Variants in CBL observed in about 807,000 individuals in gnomAD.
CBL encodes E3 ubiquitin-protein ligase CBL.
CBL carries 45 observed loss-of-function variants against 96.9 expected under a neutral mutation model. The observed-to-expected ratio is 0.46, with a 90% CI of 0.37 to 0.60. The LOEUF is 0.60. CBL is among the 20% of genes least tolerant of loss of function. CBL has a pLI of 0.00. For missense variants in CBL, 1,024 were observed against 1,143.5 expected (o/e 0.90, Z 1.51); for synonymous variants, 420 against 426.8 (o/e 0.98, Z 0.20).
intron 9 of CBL, among the ~76,000 whole-genome samples, chr11:119,279,483 GC>G (rs570993027): frequency 3.2e-5 from 4 of 125,844 alleles, no homozygotes; most frequent in Non-Finnish European, 4.8e-5. Context: ...CTGCCCCCAT[GC>G]CCCCCCCTAA....
chr11:119,300,437 G>T lies in CBL; in HGVS notation c.*656G>T. The T allele has an allele frequency of 2.5e-6, 1 of 404,014 alleles. No individual in the cohort carries two copies. The highest frequency in any genetic ancestry group is 4.4e-6 in the Non-Finnish European group (1 of 228,938). The allele number at this position is 404,014 out of a possible 1,614,324, so 25.0% of individuals were successfully genotyped here. On this transcript the variant is annotated 3_prime_UTR_variant, in exon 16 of 16. Transcript: ENST00000264033. ...TCATCCTTCTTGGTGTTCTGTCATGGGCCATGGGCTTGCTATGGCCAGCCT... is the reference window on the plus strand; with the variant it reads ...TCATCCTTCTTGGTGTTCTGTCATGTGCCATGGGCTTGCTATGGCCAGCCT...
At chr11:119,275,954 A>C in intron 5 of CBL, 43 bp from the exon 6 acceptor site, 4 of 1,601,802 alleles carry the variant, frequency 2.5e-6, no homozygotes, top group Non-Finnish European at 3.4e-6. Context: ...CCACCGTAAT[A>C]CCAGCATAAT....
rs549384936 is a variant in CBL at position 119,304,670 on chromosome 11, A to T, written c.*4889A>T. 4.8e-5 allele frequency: 10 copies of T among 207,786 alleles called. No homozygotes were observed. In the East Asian group the frequency reaches 7.2e-4, roughly 15 times the overall value. The allele number at this position is 207,786 out of a possible 1,614,324, so 12.9% of individuals were successfully genotyped here. A position where few individuals can be genotyped will look rare whatever the true frequency, so the allele number is the denominator to read the frequency against. On this transcript the variant is annotated 3_prime_UTR_variant, in exon 16 of 16. Coordinates refer to ENST00000264033, the MANE Select transcript of CBL (RefSeq NM_005188.4). ...GAGATGGAGTCTCGCTGTGTCGCCC[A>T]GGCTGGAGTGCAGTGGTGCAGTCTC... is the stretch of plus-strand genomic sequence containing the variant.
chr11:119,270,367 T>C (rs1489998211), intron 2 of CBL, among the ~76,000 whole-genome samples: 8 of 131,800 alleles, frequency 6.1e-5, no homozygotes, highest in African/African-American at 2.0e-4. Flanking sequence ...GCCTCAGCTC[T>C]CCCAAGTAGC....
intron 12 of CBL, among the ~76,000 whole-genome samples, chr11:119,288,437 A>T (rs372893863): frequency 6.6e-6 from 1 of 151,876 alleles, no homozygotes; most frequent in Admixed American, 6.6e-5. Context: ...CCTGCATCTC[A>T]CTATGTCCTT....
intron 1 of CBL, among the ~76,000 whole-genome samples, chr11:119,215,833 G>GA (rs371717786): frequency 1.6e-4 from 24 of 146,010 alleles, no homozygotes; most frequent in South Asian, 6.5e-4. Flanking sequence ...TCTCAAAAAA[G>GA]AAAAAAAAAA....
intron 15 of CBL, among the ~76,000 whole-genome samples, chr11:119,299,067 C>A (rs775487146): frequency 6.6e-6 from 1 of 152,230 alleles, no homozygotes; most frequent in South Asian, 2.1e-4. Flanking sequence ...ATACAGCCTT[C>A]GCTTGCCCAG....
intron 2 of CBL, among the ~76,000 whole-genome samples, chr11:119,268,878 T>C (rs1262673190): frequency 6.6e-6 from 1 of 152,232 alleles, no homozygotes; most frequent in Admixed American, 6.5e-5. Context: ...ACGGATTTTT[T>C]CTATCATCTC....
intron 12 of CBL, among the ~76,000 whole-genome samples, chr11:119,292,324 G>A (rs912533979): frequency 2.6e-5 from 4 of 151,036 alleles, no homozygotes; most frequent in Non-Finnish European, 5.9e-5. Flanking sequence ...TACCTTTTCC[G>A]GAATGTTAGA....
intron 13 of CBL, 105 bp downstream of exon 13, chr11:119,297,139 T>C: frequency 1.3e-6 from 1 of 792,436 alleles, no homozygotes; most frequent in Admixed American, 1.7e-5. Context: ...CCAGTCAGAT[T>C]AAAGCAGAAA....
At chr11:119,230,274 C>T (rs1592376509) in intron 1 of CBL, among the ~76,000 whole-genome samples, 1 of 151,720 alleles carries the variant, frequency 6.6e-6, no homozygotes, top group Non-Finnish European at 1.5e-5. Flanking sequence ...GCCTCAGCCT[C>T]TCCGAGTAGC....
At chr11:119,214,917 T>TA (rs1222437671) in intron 1 of CBL, among the ~76,000 whole-genome samples, 3 of 149,706 alleles carry the variant, frequency 2.0e-5, no homozygotes, top group Non-Finnish European at 4.4e-5. Flanking sequence ...TTTTTTTTTT[T>TA]AGTGAGTGCT....
At chr11:119,257,758 C>G (rs927910090) in intron 2 of CBL, among the ~76,000 whole-genome samples, 1 of 152,104 alleles carries the variant, frequency 6.6e-6, no homozygotes, top group Non-Finnish European at 1.5e-5. Flanking sequence ...TTTCATTCTT[C>G]TACATGTGGC....
intron 2 of CBL, among the ~76,000 whole-genome samples, chr11:119,269,718 G>A (rs1216460877): frequency 6.6e-6 from 1 of 152,166 alleles, no homozygotes; most frequent in Admixed American, 6.5e-5. Flanking sequence ...CATTTATGCC[G>A]GGCGCGGTGG....
rs761248677 is a variant in CBL at position 119,272,980 on chromosome 11, A to AT, written c.591-873dup. ...TAAATATCCTAGGTTTTGTCGTTTT[A>AT]TTTTTTTTTTTTTTTGAGACAGGAT... On this transcript the variant is annotated intron_variant, in intron 3 of 15. Coordinates refer to ENST00000264033, the MANE Select transcript of CBL (RefSeq NM_005188.4). Among the ~76,000 whole-genome samples the AT allele has an allele frequency of 6.7e-3, 841 of 126,078 alleles. 5 individuals carry two copies. The highest frequency in any genetic ancestry group is 0.018 in the East Asian group (67 of 3,670). The allele number at this position is 126,078 out of a possible 152,430, so 82.7% of individuals were successfully genotyped here. A position where few individuals can be genotyped will look rare whatever the true frequency, so the allele number is the denominator to read the frequency against.
chr11:119,243,444 G>T (rs971812812), intron 2 of CBL, among the ~76,000 whole-genome samples: 2 of 150,588 alleles, frequency 1.3e-5, no homozygotes, highest in Admixed American at 6.6e-5. Flanking sequence ...GAACCACTGC[G>T]CCCAGCCTAC....
intron 2 of CBL, among the ~76,000 whole-genome samples, chr11:119,267,649 A>G (rs1393089890): frequency 1.3e-5 from 2 of 152,170 alleles, no homozygotes; most frequent in African/African-American, 2.4e-5. Context: ...CTACCATCTG[A>G]TAACACTCTC....
chr11:119,271,657 A>G, intron 2 of CBL, 78 bp from the exon 3 acceptor site: 5 of 1,171,540 alleles, frequency 4.3e-6, no homozygotes, highest in Non-Finnish European at 6.4e-6. Flanking sequence ...TTAATTATAC[A>G]TCTTGTATGG....
intron 9 of CBL, among the ~76,000 whole-genome samples, chr11:119,282,581 G>A (rs1481213585): frequency 6.6e-6 from 1 of 152,214 alleles, no homozygotes; most frequent in African/African-American, 2.4e-5. Flanking sequence ...TTGTTAGGGA[G>A]TTGTGGGAAA....
Sources: allele counts gnomAD v4.1 joint callset (sites outside exome capture counted in the v4.1 genomes callset), GRCh38; gene constraint gnomAD v4.1.1; transcripts MANE v1.5; gene names NCBI Gene and HGNC (gene_info 2026-07-23, HGNC 2026-07-21).